The following ST6GALNAC3 variants were observed in gnomAD, a reference collection of about 807,000 sequenced individuals.
The protein encoded by ST6GALNAC3 is alpha-N-acetylgalactosaminide alpha-2,6-sialyltransferase 3.
ST6GALNAC3 carries 25 observed loss-of-function variants against 32.7 expected under a neutral mutation model. The ratio of observed to expected loss-of-function variants is 0.76; its 90% confidence interval spans 0.56 to 1.07. ST6GALNAC3 has a LOEUF of 1.07. ST6GALNAC3 is among the 50% of genes least tolerant of loss of function. ST6GALNAC3 has a pLI of 0.00. For missense variants in ST6GALNAC3, 355 were observed against 382.4 expected, an observed-to-expected ratio of 0.93 and a Z score of 0.60; for synonymous variants, 129 against 133.1, an observed-to-expected ratio of 0.97 and a Z score of 0.21.
intron 1 of ST6GALNAC3, among the ~76,000 whole-genome samples, chr1:76,126,687 CAA>C (rs2100852406): frequency 6.6e-6 from 1 of 152,270 alleles, no homozygotes; most frequent in South Asian, 2.1e-4. Flanking sequence ...TTATGCTGGG[CAA>C]ACAGTGTCGC....
chr1:76,615,115 G>T (rs1400670519), intron 3 of ST6GALNAC3, among the ~76,000 whole-genome samples: 1 of 152,056 alleles, frequency 6.6e-6, no homozygotes, highest in Non-Finnish European at 1.5e-5. Flanking sequence ...CACAAGGATT[G>T]GTGCTTCAAT....
intron 1 of ST6GALNAC3, among the ~76,000 whole-genome samples, chr1:76,238,616 A>G (rs1656792042): frequency 6.6e-6 from 1 of 152,148 alleles, no homozygotes; most frequent in African/African-American, 2.4e-5. Flanking sequence ...TCTGTAGACA[A>G]TAGGCAGAGA....
intron 1 of ST6GALNAC3, among the ~76,000 whole-genome samples, chr1:76,102,953 G>T (rs1647287974): frequency 6.6e-6 from 1 of 151,862 alleles, no homozygotes; most frequent in African/African-American, 2.4e-5. Context: ...CACTCTTAGG[G>T]ATATTTCCTC....
chr1:76,178,537 C>T (rs1431104947), intron 1 of ST6GALNAC3, among the ~76,000 whole-genome samples: 3 of 152,144 alleles, frequency 2.0e-5, no homozygotes, highest in Non-Finnish European at 4.4e-5. Context: ...GATTGTTATT[C>T]AGTGCCTCGG....
At chr1:76,344,097 A>G (rs1271617394) in intron 2 of ST6GALNAC3, among the ~76,000 whole-genome samples, 1 of 152,256 alleles carries the variant, frequency 6.6e-6, no homozygotes, top group Non-Finnish European at 1.5e-5. Flanking sequence ...CAAATTGTCA[A>G]AGGTGTTATG....
At chr1:76,533,237 T>G (rs552824748) in intron 3 of ST6GALNAC3, among the ~76,000 whole-genome samples, 3 of 152,182 alleles carry the variant, frequency 2.0e-5, no homozygotes, top group Non-Finnish European at 4.4e-5. Context: ...AGCAAACTTT[T>G]GAAAAAGTCC....
chr1:76,478,958 T>C (rs559888383), intron 3 of ST6GALNAC3, among the ~76,000 whole-genome samples: 2 of 151,856 alleles, frequency 1.3e-5, no homozygotes, highest in South Asian at 2.1e-4. Flanking sequence ...AGAGACGGGG[T>C]TTCACTGTGT....
intron 1 of ST6GALNAC3, among the ~76,000 whole-genome samples, chr1:76,266,665 C>G (rs1315571567): frequency 6.6e-6 from 1 of 152,190 alleles, no homozygotes; most frequent in Non-Finnish European, 1.5e-5. Flanking sequence ...CTCCAATTCT[C>G]ATCTACCTGC....
intron 1 of ST6GALNAC3, among the ~76,000 whole-genome samples, chr1:76,109,144 G>A (rs949218500): frequency 2.0e-4 from 30 of 152,080 alleles, no homozygotes; most frequent in African/African-American, 7.2e-4. Flanking sequence ...CCCAGGCCTC[G>A]TTTGCTGTTA....
At chr1:76,386,403 A>G (rs1371205639) in intron 2 of ST6GALNAC3, among the ~76,000 whole-genome samples, 1 of 149,034 alleles carries the variant, frequency 6.7e-6, no homozygotes, top group Non-Finnish European at 1.5e-5. Context: ...TACATGTATT[A>G]AGCATTCAGT....
intron 1 of ST6GALNAC3, among the ~76,000 whole-genome samples, chr1:76,112,823 G>C (rs1379035943): frequency 2.0e-5 from 3 of 151,974 alleles, no homozygotes; most frequent in Admixed American, 6.5e-5. Context: ...ATGGGTTGGT[G>C]GCGGGGCAGA....
intron 1 of ST6GALNAC3, among the ~76,000 whole-genome samples, chr1:76,236,680 A>G (rs78500455): frequency 0.016 from 2,374 of 152,274 alleles, 78 homozygotes; most frequent in African/African-American, 0.055. Flanking sequence ...AAACAAGACT[A>G]TAATCTCTAC....
intron 1 of ST6GALNAC3, among the ~76,000 whole-genome samples, chr1:76,239,055 G>A (rs1478451188): frequency 6.6e-6 from 1 of 151,194 alleles, no homozygotes; most frequent in Non-Finnish European, 1.5e-5. Flanking sequence ...AATATAGGCA[G>A]AGTGGGCTTG....
chr1:76,126,440 C>CTTCCTTTT (rs1553157157), intron 1 of ST6GALNAC3, among the ~76,000 whole-genome samples: 1 of 147,350 alleles, frequency 6.8e-6, no homozygotes, highest in African/African-American at 2.5e-5. Flanking sequence ...TCCTTCCTTC[C>CTTCCTTTT]TTCCTTCCTT....
chr1:76,130,224 A>G (rs2631782), intron 1 of ST6GALNAC3, among the ~76,000 whole-genome samples: 4,966 of 152,276 alleles, frequency 0.033, 279 homozygotes, highest in African/African-American at 0.11. Context: ...TAGTTCAGTC[A>G]TGTAGTTGCC....
chr1:76,255,228 C>T (rs930855243), intron 1 of ST6GALNAC3, among the ~76,000 whole-genome samples: 1 of 152,086 alleles, frequency 6.6e-6, no homozygotes, highest in African/African-American at 2.4e-5. Context: ...ATCCATCCCC[C>T]TCCCTTTCCC....
chr1:76,145,044 T>G (rs1650590111), intron 1 of ST6GALNAC3, among the ~76,000 whole-genome samples: 1 of 152,214 alleles, frequency 6.6e-6, no homozygotes, highest in South Asian at 2.1e-4. Flanking sequence ...TATAAACAAA[T>G]CTGAATCCTG....
At chr1:76,102,770 T>G (rs1430068691) in intron 1 of ST6GALNAC3, among the ~76,000 whole-genome samples, 3 of 152,112 alleles carry the variant, frequency 2.0e-5, no homozygotes, top group African/African-American at 7.2e-5. Flanking sequence ...TCATTTTGAT[T>G]AATCATATAT....
At chr1:76,391,091 C>G (rs915352682) in intron 2 of ST6GALNAC3, among the ~76,000 whole-genome samples, 7 of 151,644 alleles carry the variant, frequency 4.6e-5, no homozygotes, top group African/African-American at 1.7e-4. Context: ...GGGCGCCCAC[C>G]ACCACGCAAG....
Sources: allele counts gnomAD v4.1 joint callset (sites outside exome capture counted in the v4.1 genomes callset), GRCh38; gene constraint gnomAD v4.1.1; transcripts MANE v1.5; gene names NCBI Gene and HGNC (gene_info 2026-07-23, HGNC 2026-07-21).